PLCH1: variants seen among roughly 807,000 people sequenced by gnomAD.
PLCH1 encodes phospholipase C eta 1.
Under a neutral mutation model 126.7 loss-of-function variants are expected in PLCH1, and 60 were observed. That is an observed-to-expected ratio of 0.47 (90% CI 0.38 to 0.59). PLCH1 has a LOEUF of 0.59. PLCH1 is among the 20% of genes least tolerant of loss of function. The pLI, the probability that PLCH1 is intolerant of heterozygous loss-of-function variation, is 0.00. For missense variants in PLCH1, 1,723 were observed against 2,040.0 expected (o/e 0.84, Z 2.99); for synonymous variants, 719 against 734.9 (o/e 0.98, Z 0.35).
At chr3:155,735,566 A>AGAGGTTGCAGT (rs917712053) in intron 1 of PLCH1, among the ~76,000 whole-genome samples, 14 of 151,308 alleles carry the variant, frequency 9.3e-5, no homozygotes, top group African/African-American at 3.4e-4. Flanking sequence ...CCCAGAAGGC[A>AGAGGTTGCAGT]GAGGTTGCAG....
chr3:155,565,949 C>T (rs1259079182), intron 7 of PLCH1, among the ~76,000 whole-genome samples: 16 of 151,094 alleles, frequency 1.1e-4, no homozygotes, highest in South Asian at 4.2e-4. Flanking sequence ...CTGCCCGCCT[C>T]GGCTTCCCAA....
intron 6 of PLCH1, among the ~76,000 whole-genome samples, chr3:155,574,866 C>T (rs1055818163): frequency 6.6e-6 from 1 of 152,084 alleles, no homozygotes; most frequent in African/African-American, 2.4e-5. Flanking sequence ...CATGGTGGCT[C>T]ATGCCTGTAT....
At chr3:155,511,315 T>G (rs867816881) in intron 12 of PLCH1, among the ~76,000 whole-genome samples, 2 of 134,586 alleles carry the variant, frequency 1.5e-5, no homozygotes, top group Middle Eastern at 3.5e-3. Context: ...TTCCCGTAGC[T>G]CAGAGTAATT....
At chr3:155,612,677 G>A (rs1374285816) in intron 2 of PLCH1, among the ~76,000 whole-genome samples, 3 of 152,022 alleles carry the variant, frequency 2.0e-5, no homozygotes, top group African/African-American at 4.8e-5. Flanking sequence ...TCGGGAGGCC[G>A]AGGCAGGCAG....
chr3:155,524,967 T>C (rs1330983295), intron 10 of PLCH1, among the ~76,000 whole-genome samples: 1 of 152,052 alleles, frequency 6.6e-6, no homozygotes, highest in Admixed American at 6.6e-5. Context: ...CAGTGAATCA[T>C]GTTTGTACCA....
chr3:155,524,004 C>T lies in PLCH1; in HGVS notation c.1363G>A (p.Gly455Ser). 3 of 1,543,254 alleles carry T rather than the reference C, an allele frequency of 1.9e-6. No individual in the cohort carries two copies. The highest frequency in any genetic ancestry group is 2.7e-6 in the Non-Finnish European group (3 of 1,120,034). ...QSLKGKILVKGKKLPYHLGDD... is the reference protein window; with the variant it reads ...QSLKGKILVKSKKLPYHLGDD... The stretch of plus-strand genomic sequence containing the variant: ...CCAAGGTGATAAGGCAACTTCTTAC[C>T]CTGAAATGGAACAAAACATCCCATT... Residue 455 changes from glycine to serine, a missense_variant and splice_region_variant, in exon 11 of 23, where the codon GGT becomes AGT. By Grantham distance (56) the Gly-to-Ser change is moderately conservative. This residue lies in a region of PLCH1 where 776 missense variants were observed against 1,062.9 expected (regional missense o/e 0.73). Transcript: ENST00000460012.
chr3:155,542,658 C>T (rs1487827652), intron 10 of PLCH1, among the ~76,000 whole-genome samples: 2 of 152,164 alleles, frequency 1.3e-5, no homozygotes, highest in African/African-American at 4.8e-5. Context: ...AGACTGACAC[C>T]TCACACAGCC....
At chr3:155,553,352 C>T (rs956408926) in intron 9 of PLCH1, among the ~76,000 whole-genome samples, 3 of 152,042 alleles carry the variant, frequency 2.0e-5, no homozygotes, top group East Asian at 1.9e-4. Flanking sequence ...CCTGGCCTCA[C>T]GTGATCCACC....
At chr3:155,696,905 G>C (rs978772570) in intron 2 of PLCH1, among the ~76,000 whole-genome samples, 3 of 152,168 alleles carry the variant, frequency 2.0e-5, no homozygotes, top group Non-Finnish European at 2.9e-5. Context: ...GCAGCAATAG[G>C]CTTGTTTCAG....
intron 2 of PLCH1, among the ~76,000 whole-genome samples, chr3:155,663,134 C>T (rs1256921230): frequency 1.3e-5 from 2 of 152,212 alleles, no homozygotes; most frequent in African/African-American, 4.8e-5. Flanking sequence ...TGGAATGAGA[C>T]ACTGTCCCTG....
intron 2 of PLCH1, among the ~76,000 whole-genome samples, chr3:155,597,919 C>T (rs1733187595): frequency 6.6e-6 from 1 of 152,146 alleles, no homozygotes; most frequent in African/African-American, 2.4e-5. Flanking sequence ...CGCGGTGGCT[C>T]ATGACTGTAA....
At chr3:155,578,259 A>C (rs143349594) in intron 6 of PLCH1, among the ~76,000 whole-genome samples, 13 of 152,346 alleles carry the variant, frequency 8.5e-5, no homozygotes, top group African/African-American at 2.4e-4. Flanking sequence ...TAACATTGTT[A>C]ATAAAGAATC....
Position 155,713,925 on chromosome 3 carries a change from C to A in PLCH1, c.-40-9661G>T, listed in dbSNP as rs144788789. 5.8e-3 allele frequency among the ~76,000 whole-genome samples: 876 copies of A among 152,226 alleles called. 12 individuals carry two copies. The highest frequency in any genetic ancestry group is 0.02 in the African/African-American group (824 of 41,538). On this transcript the variant is annotated intron_variant, in intron 1 of 22. Transcript: ENST00000460012. ...TATAAATTAAAATAACCCTGAAAAA[C>A]CACAAAATGAACTGTCAGGTATCAG... is the stretch of plus-strand genomic sequence containing the variant.
At chr3:155,682,453 T>C (rs1161674440) in intron 2 of PLCH1, among the ~76,000 whole-genome samples, 2 of 152,202 alleles carry the variant, frequency 1.3e-5, no homozygotes, top group East Asian at 3.8e-4. Context: ...AACAAAAGTG[T>C]ATGCAATGTA....
At chr3:155,637,729 A>C (rs912236564) in intron 2 of PLCH1, among the ~76,000 whole-genome samples, 3 of 152,204 alleles carry the variant, frequency 2.0e-5, no homozygotes, top group East Asian at 3.9e-4. Context: ...ATTATCATAC[A>C]TCAATAACAC....
intron 10 of PLCH1, among the ~76,000 whole-genome samples, chr3:155,543,563 A>C (rs1724724844): frequency 6.6e-6 from 1 of 152,230 alleles, no homozygotes; most frequent in Non-Finnish European, 1.5e-5. Flanking sequence ...CCTCGAGAAA[A>C]GCAACTACAA....
At chr3:155,611,355 G>A (rs6787342) in intron 2 of PLCH1, among the ~76,000 whole-genome samples, 73,799 of 151,816 alleles carry the variant, frequency 0.49, 20,313 homozygotes, top group African/African-American at 0.74. Context: ...AGGCCACTGC[G>A]CTCCAGCCTG....
At chr3:155,509,259 G>C (rs1719129915) in intron 12 of PLCH1, among the ~76,000 whole-genome samples, 1 of 121,432 alleles carries the variant, frequency 8.2e-6, no homozygotes, top group African/African-American at 4.3e-5. Context: ...TTCTTTATTA[G>C]TCTTGCTAGC....
At chr3:155,569,474 A>G (rs1159752538) in intron 6 of PLCH1, among the ~76,000 whole-genome samples, 3 of 152,208 alleles carry the variant, frequency 2.0e-5, no homozygotes, top group Non-Finnish European at 4.4e-5. Context: ...TCAAACTAGC[A>G]TGGTGGCTGA....
Sources: gnomAD v4.1 joint callset for allele counts (sites outside exome capture counted in the v4.1 genomes callset) on GRCh38, gnomAD v4.1.1 for gene constraint, gnomAD v4.1.1 regional missense constraint, MANE v1.5 for transcripts, NCBI Gene and HGNC (gene_info 2026-07-23, HGNC 2026-07-21) for gene names.